The following TRAF3IP1 variants were observed in gnomAD, a reference collection of about 807,000 sequenced individuals.
The protein encoded by TRAF3IP1 is TRAF3-interacting protein 1.
In TRAF3IP1, 53 loss-of-function variants were observed where a neutral mutation model predicts 89.9. The observed-to-expected ratio is 0.59, with a 90% CI of 0.47 to 0.74. The LOEUF is 0.74. Ranked by LOEUF, TRAF3IP1 falls within the 30% of genes least tolerant of loss-of-function variation. The pLI is 0.00. For missense variants in TRAF3IP1, 806 were observed against 866.1 expected, an observed-to-expected ratio of 0.93 and a Z score of 0.87; for synonymous variants, 311 against 322.1, an observed-to-expected ratio of 0.97 and a Z score of 0.37.
At chr2:238,323,820 A>C (rs1264262007) in intron 1 of TRAF3IP1, among the ~76,000 whole-genome samples, 2 of 152,194 alleles carry the variant, frequency 1.3e-5, no homozygotes, top group African/African-American at 4.8e-5. Flanking sequence ...CTGCAGTCTG[A>C]GACAACCCAG....
chr2:238,325,517 A>G, intron 2 of TRAF3IP1, 143 bp downstream of exon 2: 3 of 797,878 alleles, frequency 3.8e-6, no homozygotes, highest in South Asian at 1.7e-5. Flanking sequence ...TGATATATAT[A>G]CCCTTTCTCA....
intron 15 of TRAF3IP1, among the ~76,000 whole-genome samples, chr2:238,374,750 G>A (rs924375411): frequency 2.6e-5 from 4 of 152,134 alleles, no homozygotes; most frequent in South Asian, 2.1e-4. Context: ...CTCTGAATCC[G>A]TCTGGTCCTG....
intron 14 of TRAF3IP1, among the ~76,000 whole-genome samples, chr2:238,355,695 A>G (rs111766639): frequency 5.7e-4 from 85 of 149,610 alleles, no homozygotes; most frequent in African/African-American, 2.0e-3. Context: ...ATAAATGGCT[A>G]TATTTTTGGA....
intron 15 of TRAF3IP1, among the ~76,000 whole-genome samples, chr2:238,384,353 T>C (rs1021290037): frequency 8.0e-6 from 1 of 125,302 alleles, no homozygotes; most frequent in African/African-American, 3.0e-5. Context: ...TGTATGTATG[T>C]ATGTATGTAT....
chr2:238,391,200 G>A (rs558552743), intron 15 of TRAF3IP1, among the ~76,000 whole-genome samples: 21 of 152,174 alleles, frequency 1.4e-4, no homozygotes, highest in African/African-American at 5.1e-4. Flanking sequence ...CAAGTGATCT[G>A]CCCACCTCAG....
chr2:238,340,778 T>A (rs1698603842), intron 8 of TRAF3IP1, among the ~76,000 whole-genome samples: 1 of 147,112 alleles, frequency 6.8e-6, no homozygotes, highest in Non-Finnish European at 1.5e-5. Context: ...TTCACTAGTT[T>A]TACGTTTGCC....
At chr2:238,340,177 G>T (rs1465903461) in intron 8 of TRAF3IP1, among the ~76,000 whole-genome samples, 4 of 152,166 alleles carry the variant, frequency 2.6e-5, no homozygotes, top group African/African-American at 4.8e-5. Context: ...GCCACAGCGC[G>T]GACCTGGGGT....
At chr2:238,382,198 A>T (rs936098221) in intron 15 of TRAF3IP1, among the ~76,000 whole-genome samples, 1 of 152,188 alleles carries the variant, frequency 6.6e-6, no homozygotes, top group African/African-American at 2.4e-5. Context: ...GAGGATACGA[A>T]AACAGGCGAA....
intron 8 of TRAF3IP1, among the ~76,000 whole-genome samples, chr2:238,340,437 G>C (rs1698588308): frequency 6.6e-6 from 1 of 152,100 alleles, no homozygotes; most frequent in Non-Finnish European, 1.5e-5. Context: ...CCCATAGCCT[G>C]GGTCATCATC....
chr2:238,335,063 C>CGT (rs374393049), intron 7 of TRAF3IP1, among the ~76,000 whole-genome samples: 72 of 152,310 alleles, frequency 4.7e-4, no homozygotes, highest in African/African-American at 1.7e-3. Flanking sequence ...TTTGCTTGCA[C>CGT]GTGCTGTATG....
chr2:238,375,655 C>G (rs1700283801), intron 15 of TRAF3IP1, among the ~76,000 whole-genome samples: 1 of 152,142 alleles, frequency 6.6e-6, no homozygotes, highest in Admixed American at 6.5e-5. Context: ...CTGCTTGGTC[C>G]AGAGCTGAGT....
At position 238,367,892 on chromosome 2, in the gene TRAF3IP1, G is replaced by A. The variant is rs530704567; in HGVS notation, c.1689+11812G>A. Among the ~76,000 whole-genome samples the A allele has an allele frequency of 2.5e-3, 386 of 152,290 alleles. 1 individual carries two copies. Among genetic ancestry groups the A allele is most frequent in the Non-Finnish European group, 4.3e-3 (295 of 68,022 alleles). On this transcript the variant is annotated intron_variant, in intron 15 of 16. Transcript: ENST00000373327. ...CTGTGCCTCCCTGTCTCAGTGCGGG[G>A]TGGGCGCGTTGAGCTGCTTTTTTTG...
chr2:238,333,513 G>A (rs1698230580), intron 6 of TRAF3IP1, among the ~76,000 whole-genome samples: 1 of 152,128 alleles, frequency 6.6e-6, no homozygotes, highest in Admixed American at 6.5e-5. Flanking sequence ...GGAGAGAGGT[G>A]GTGAGACTGG....
At chr2:238,364,715 G>T (rs1203664475) in intron 15 of TRAF3IP1, among the ~76,000 whole-genome samples, 2 of 151,202 alleles carry the variant, frequency 1.3e-5, no homozygotes, top group African/African-American at 2.4e-5. Context: ...ATAGCTATTG[G>T]AGTACTTCTT....
At chr2:238,374,578 G>C (rs923387353) in intron 15 of TRAF3IP1, among the ~76,000 whole-genome samples, 4 of 152,150 alleles carry the variant, frequency 2.6e-5, no homozygotes, top group African/African-American at 4.8e-5. Flanking sequence ...ACGGATATTG[G>C]TCTAAAACTC....
At chr2:238,340,545 A>G (rs1264429186) in intron 8 of TRAF3IP1, among the ~76,000 whole-genome samples, 1 of 152,048 alleles carries the variant, frequency 6.6e-6, no homozygotes, top group Non-Finnish European at 1.5e-5. Context: ...AACATGAACA[A>G]TTTCTTCCTG....
chr2:238,370,267 ATG>A (rs1326368331), intron 15 of TRAF3IP1, among the ~76,000 whole-genome samples: 1 of 119,776 alleles, frequency 8.3e-6, no homozygotes, highest in Non-Finnish European at 1.6e-5. Flanking sequence ...GTGCATGTCT[ATG>A]TGAATGTCTG....
intron 9 of TRAF3IP1, chr2:238,347,178 T>G: frequency 5.2e-6 from 2 of 387,628 alleles, no homozygotes; most frequent in South Asian, 7.5e-5. Context: ...CTTGTTAACT[T>G]CCTCTCCGAT....
intron 3 of TRAF3IP1, among the ~76,000 whole-genome samples, chr2:238,326,608 T>G (rs1574890179): frequency 6.6e-6 from 1 of 152,246 alleles, no homozygotes; most frequent in East Asian, 1.9e-4. Flanking sequence ...TGCCCAAATG[T>G]TGGAGAAGGT....
Sources: gnomAD v4.1 joint callset for allele counts (sites outside exome capture counted in the v4.1 genomes callset) on GRCh38, gnomAD v4.1.1 for gene constraint, MANE v1.5 for transcripts, NCBI Gene and HGNC (gene_info 2026-07-23, HGNC 2026-07-21) for gene names.